OCA2: variants seen among roughly 807,000 people sequenced by gnomAD.
OCA2 encodes P protein.
Under a neutral mutation model 100.2 loss-of-function variants are expected in OCA2, and 77 were observed. The observed-to-expected ratio is 0.77, with a 90% CI of 0.64 to 0.93. The LOEUF is 0.93. Ranked by LOEUF, OCA2 falls within the 40% of genes least tolerant of loss-of-function variation. The probability of loss-of-function intolerance (pLI) is 0.00; values close to 1 mark genes in which losing one functional copy is unlikely to be tolerated. For missense variants in OCA2, 1,062 were observed against 1,089.1 expected, an observed-to-expected ratio of 0.98 and a Z score of 0.35; for synonymous variants, 432 against 439.2, an observed-to-expected ratio of 0.98 and a Z score of 0.21.
At chr15:27,965,123 G>C (rs2040524099) in intron 15 of OCA2, among the ~76,000 whole-genome samples, 1 of 152,176 alleles carries the variant, frequency 6.6e-6, no homozygotes, top group Non-Finnish European at 1.5e-5. Context: ...GAGGTTGGGA[G>C]AGGCTGGCAT....
chr15:27,802,154 T>C (rs1052696553), intron 23 of OCA2, among the ~76,000 whole-genome samples: 1 of 152,192 alleles, frequency 6.6e-6, no homozygotes. Context: ...TTCTATATAA[T>C]AGCAATGAAG....
Position 27,770,588 on chromosome 15 carries a change from G to A in OCA2, c.2433-15116C>T, listed in dbSNP as rs578261880. Among the ~76,000 whole-genome samples the A allele has an allele frequency of 1.7e-3, 256 of 151,612 alleles. 1 individual carries two copies. The highest frequency in any genetic ancestry group is 3.1e-3 in the African/African-American group (130 of 41,310). The stretch of plus-strand genomic sequence containing the variant: ...CCGATGGGCGCGCACGGTGCCCAGC[G>A]CAGCTGCCCTTGGCCTCCCGTGTCC... On this transcript the variant is annotated intron_variant, in intron 23 of 23. Coordinates refer to ENST00000354638, the MANE Select transcript of OCA2 (RefSeq NM_000275.3).
chr15:27,997,094 G>GAAAGAGAAAGAAAA (rs2041759601), intron 9 of OCA2, among the ~76,000 whole-genome samples: 1 of 124,120 alleles, frequency 8.1e-6, no homozygotes, highest in Non-Finnish European at 1.8e-5. Context: ...GAGAAAGAAA[G>GAAAGAGAAAGAAAA]AAAGGAAGAA....
the OCA2 span, among the ~76,000 whole-genome samples, chr15:27,737,113 A>G: frequency 2.0e-5 from 3 of 152,330 alleles, no homozygotes; most frequent in South Asian, 6.2e-4. Flanking sequence ...CTCAAAGAAC[A>G]TCAAGTTATT....
intron 9 of OCA2, among the ~76,000 whole-genome samples, chr15:28,013,349 C>G (rs1359418030): frequency 1.3e-5 from 2 of 152,124 alleles, no homozygotes; most frequent in Non-Finnish European, 2.9e-5. Flanking sequence ...CTAACGTCAC[C>G]TTTAGAAGGG....
intron 23 of OCA2, among the ~76,000 whole-genome samples, chr15:27,832,967 C>G (rs2035019349): frequency 2.0e-5 from 3 of 150,986 alleles, no homozygotes; most frequent in Admixed American, 6.6e-5. Context: ...GCATATGCCA[C>G]CACGCCCAGC....
intron 2 of OCA2, among the ~76,000 whole-genome samples, chr15:28,056,303 C>CA (rs1192134295): frequency 2.0e-5 from 3 of 152,208 alleles, no homozygotes; most frequent in Non-Finnish European, 4.4e-5. Flanking sequence ...CTGACAGGAG[C>CA]CTCTCTTCTT....
chr15:27,722,661 TCTTTC>T, the OCA2 span, among the ~76,000 whole-genome samples: 6,095 of 93,896 alleles, frequency 0.065, 443 homozygotes, highest in African/African-American at 0.19. Context: ...TTTCTCTCTT[TCTTTC>T]CTTTCTTTTC....
rs16950420 is a variant in OCA2, at chr15:27,778,899, G to A, written c.2433-23427C>T. On this transcript the variant is annotated intron_variant, in intron 23 of 23. Coordinates refer to ENST00000354638, the MANE Select transcript of OCA2 (RefSeq NM_000275.3). ...GAATTTCACTTAAGTACTATTATAC[G>A]CTGAGCATTATGCTATGAGCTATAT... 4.2e-3 allele frequency among the ~76,000 whole-genome samples: 640 copies of A among 152,330 alleles called. 3 individuals are homozygous for A. Among genetic ancestry groups the A allele is most frequent in the African/African-American group, 0.014 (601 of 41,574 alleles).
At position 28,014,907 on chromosome 15, in the gene OCA2, G is replaced by A. The variant is rs1800401; in HGVS notation, c.913C>T (p.Arg305Trp). ...LTRETVSISI[R>W]ASLQQTQAVP... Reference sequence around the variant, plus strand: ...GCCTGGGTCTGCTGCAGGGAGGCCCGGATGCTGATGGACACCGTCTCTCTG... The same window carrying A: ...GCCTGGGTCTGCTGCAGGGAGGCCCAGATGCTGATGGACACCGTCTCTCTG... Residue 305 changes from arginine (R) to tryptophan (W), a missense_variant, in exon 9 of 24, where the codon CGG becomes TGG. Physicochemically the swap from Arg to Trp is moderately radical, Grantham distance 101 (BLOSUM62 -3). Coordinates refer to ENST00000354638, the MANE Select transcript of OCA2 (RefSeq NM_000275.3). 0.058 allele frequency: 93,480 copies of A among 1,614,008 alleles called. 3,680 individuals carry two copies. Among genetic ancestry groups the A allele is most frequent in the African/African-American group, 0.14 (10,295 of 74,980 alleles).
intron 23 of OCA2, among the ~76,000 whole-genome samples, chr15:27,766,635 C>A (rs754757593): frequency 6.6e-6 from 1 of 152,194 alleles, no homozygotes; most frequent in Non-Finnish European, 1.5e-5. Flanking sequence ...GTTAAATGGA[C>A]ACAGAGGGTG....
chr15:28,042,333 A>C (rs1002482080), intron 2 of OCA2, among the ~76,000 whole-genome samples: 5 of 152,166 alleles, frequency 3.3e-5, no homozygotes, highest in Non-Finnish European at 7.4e-5. Context: ...TCTTATTTTA[A>C]AAATGCCTTC....
intron 19 of OCA2, among the ~76,000 whole-genome samples, chr15:27,916,440 G>A (rs943983143): frequency 2.0e-5 from 3 of 152,090 alleles, no homozygotes; most frequent in Admixed American, 6.6e-5. Context: ...TTGATGTTAT[G>A]TACTCCCTAT....
the OCA2 span, among the ~76,000 whole-genome samples, chr15:27,735,966 A>G: frequency 6.6e-6 from 1 of 152,212 alleles, no homozygotes; most frequent in African/African-American, 2.4e-5. Context: ...TCACTGGTAA[A>G]AAGAATGGAC....
chr15:27,751,300 T>A (rs975710813), downstream of OCA2, among the ~76,000 whole-genome samples: 1 of 152,174 alleles, frequency 6.6e-6, no homozygotes, highest in Non-Finnish European at 1.5e-5. Flanking sequence ...GAATGAATGC[T>A]GAGAGAGATC....
rs200396611 is a variant in OCA2 at position 27,755,408 on chromosome 15, C to A, written c.2497G>T (p.Val833Leu). The A allele has an allele frequency of 6.2e-7, 1 of 1,613,480 alleles. No homozygotes were observed. Among genetic ancestry groups the A allele is most frequent in the Non-Finnish European group, 8.5e-7 (1 of 1,179,516 alleles). The change falls in exon 24 of 24, where the codon GTG becomes TTG. Residue 833 changes from valine to leucine, a missense_variant. Val to Leu is a conservative substitution (Grantham distance 32, BLOSUM62 1). Transcript: ENST00000354638. ...VGMCYLLVAH[V>L]VVGWN ...GTCTATTAATTCCATCCCACCACCA[C>A]ATGAGCCACAAGGAGATAACACATC...
intron 4 of OCA2, among the ~76,000 whole-genome samples, chr15:28,027,003 G>A (rs1391470239): frequency 6.6e-6 from 1 of 152,228 alleles, no homozygotes; most frequent in African/African-American, 2.4e-5. Context: ...GGCGCTCAGC[G>A]ACTTCAGGTC....
At chr15:28,020,710 G>A (rs2042567058) in intron 6 of OCA2, among the ~76,000 whole-genome samples, 1 of 152,246 alleles carries the variant, frequency 6.6e-6, no homozygotes, top group South Asian at 2.1e-4. Flanking sequence ...CGGTTTTAAA[G>A]TGATGAAGAA....
intron 23 of OCA2, among the ~76,000 whole-genome samples, chr15:27,822,119 A>G (rs1416058349): frequency 6.6e-6 from 1 of 152,050 alleles, no homozygotes; most frequent in Non-Finnish European, 1.5e-5. Context: ...CTGTACATCA[A>G]TGGATTACTA....
Sources: allele counts gnomAD v4.1 joint callset (sites outside exome capture counted in the v4.1 genomes callset), GRCh38; gene constraint gnomAD v4.1.1; transcripts MANE v1.5; gene names NCBI Gene and HGNC (gene_info 2026-07-23, HGNC 2026-07-21).